The following ERBIN variants were observed in gnomAD, a reference collection of about 807,000 sequenced individuals.
The protein encoded by ERBIN is densin-180-like protein.
Under a neutral mutation model 158.4 loss-of-function variants are expected in ERBIN, and 60 were observed. The observed-to-expected ratio is 0.38, with a 90% CI of 0.31 to 0.47. ERBIN has a LOEUF of 0.47. Among genes scored for constraint, ERBIN ranks in the 20% least tolerant of loss-of-function variants. ERBIN has a pLI of 0.99. For missense variants in ERBIN, 1,610 were observed against 1,648.0 expected, an observed-to-expected ratio of 0.98 and a Z score of 0.40; for synonymous variants, 594 against 557.2, an observed-to-expected ratio of 1.07 and a Z score of -0.93.
chr5:65,955,136 AAAGT>A (rs1470667290), intron 1 of ERBIN, among the ~76,000 whole-genome samples: 4 of 152,162 alleles, frequency 2.6e-5, no homozygotes, highest in Admixed American at 1.3e-4. Context: ...TATGTTAAAA[AAAGT>A]CTTAAAATGG....
intron 4 of ERBIN, among the ~76,000 whole-genome samples, chr5:66,003,764 C>G (rs937917887): frequency 1.3e-4 from 20 of 152,010 alleles, no homozygotes; most frequent in Admixed American, 4.6e-4. Context: ...AGACCAAGGA[C>G]TAGTGATAGT....
At chr5:66,059,001 G>A (rs541015456) in intron 21 of ERBIN, among the ~76,000 whole-genome samples, 5 of 152,222 alleles carry the variant, frequency 3.3e-5, no homozygotes, top group South Asian at 4.1e-4. Context: ...TTTGGCTTAG[G>A]ATTGTCTTGG....
At chr5:65,965,731 C>T (rs1374846513) in intron 1 of ERBIN, among the ~76,000 whole-genome samples, 6 of 152,104 alleles carry the variant, frequency 3.9e-5, no homozygotes, top group Admixed American at 1.3e-4. Context: ...AGATTTCTCT[C>T]GTTCACTCTG....
intron 21 of ERBIN, among the ~76,000 whole-genome samples, chr5:66,058,483 G>T (rs529889395): frequency 8.4e-4 from 127 of 151,580 alleles, no homozygotes; most frequent in Non-Finnish European, 1.4e-3. Context: ...CGTTCTGTAG[G>T]TTGCCTGTTC....
At chr5:65,930,482 G>T (rs1743231448) in intron 1 of ERBIN, among the ~76,000 whole-genome samples, 1 of 152,102 alleles carries the variant, frequency 6.6e-6, no homozygotes, top group African/African-American at 2.4e-5. Context: ...TAATTTTTTT[G>T]TATTTTTAGT....
At chr5:65,936,140 G>T (rs1363511617) in intron 1 of ERBIN, among the ~76,000 whole-genome samples, 1 of 151,974 alleles carries the variant, frequency 6.6e-6, no homozygotes, top group Non-Finnish European at 1.5e-5. Flanking sequence ...CTTTGTGGGA[G>T]CATGGAGGGA....
intron 14 of ERBIN, among the ~76,000 whole-genome samples, chr5:66,030,560 A>G (rs915572706): frequency 7.3e-6 from 1 of 137,142 alleles, no homozygotes; most frequent in African/African-American, 2.8e-5. Context: ...GTACAGTAGC[A>G]CCTTTTTTTT....
At chr5:66,051,258 A>C (rs1296286156) in intron 20 of ERBIN, among the ~76,000 whole-genome samples, 1 of 152,174 alleles carries the variant, frequency 6.6e-6, no homozygotes, top group African/African-American at 2.4e-5. Context: ...GAGGTAATTT[A>C]AGTTGAAAGG....
At chr5:66,033,880 G>A (rs1757130067) in intron 14 of ERBIN, among the ~76,000 whole-genome samples, 1 of 152,068 alleles carries the variant, frequency 6.6e-6, no homozygotes, top group Admixed American at 6.6e-5. Context: ...AGGCCGAGGC[G>A]GGTGGATCAC....
At chr5:66,061,214 T>A (rs997853503) in intron 21 of ERBIN, among the ~76,000 whole-genome samples, 7 of 152,362 alleles carry the variant, frequency 4.6e-5, no homozygotes, top group East Asian at 1.9e-4. Context: ...ACTTGCTTTA[T>A]GAATCTGGGT....
chr5:66,061,862 G>C (rs1425263831), intron 21 of ERBIN, among the ~76,000 whole-genome samples: 1 of 144,588 alleles, frequency 6.9e-6, no homozygotes, highest in Non-Finnish European at 1.5e-5. Flanking sequence ...AAGAATGTTG[G>C]ATATTGGCCC....
At chr5:66,044,441 A>G in intron 17 of ERBIN, 131 bp downstream of exon 17, 1 of 800,150 alleles carries the variant, frequency 1.2e-6, no homozygotes, top group East Asian at 2.8e-5. Flanking sequence ...TTCGGTCGAC[A>G]TGCTCACATA....
At chr5:66,046,093 C>G (rs577324018) in intron 17 of ERBIN, among the ~76,000 whole-genome samples, 1 of 152,130 alleles carries the variant, frequency 6.6e-6, no homozygotes, top group Non-Finnish European at 1.5e-5. Flanking sequence ...TCCACACTTA[C>G]AAGCCTTGGC....
At chr5:66,018,313 A>G (rs990366713) in intron 7 of ERBIN, among the ~76,000 whole-genome samples, 5 of 144,836 alleles carry the variant, frequency 3.5e-5, no homozygotes, top group African/African-American at 1.0e-4. Flanking sequence ...GTATCTTTCC[A>G]TTTTTTTGTG....
chr5:66,064,189 A>C (rs1277255728), intron 21 of ERBIN, among the ~76,000 whole-genome samples: 1 of 152,214 alleles, frequency 6.6e-6, no homozygotes, highest in African/African-American at 2.4e-5. Flanking sequence ...AAAACTTACA[A>C]TTTTGATAAA....
At chr5:66,043,595 G>T (rs1758129848) in intron 16 of ERBIN, among the ~76,000 whole-genome samples, 1 of 151,890 alleles carries the variant, frequency 6.6e-6, no homozygotes, top group Non-Finnish European at 1.5e-5. Context: ...TAGAGATAAA[G>T]AACTCTTTGT....
Position 65,975,130 on chromosome 5 carries a change from C to G in ERBIN, c.-57-13505C>G, listed in dbSNP as rs1325825706. Among the ~76,000 whole-genome samples, 5 of 152,270 alleles carry G rather than the reference C, an allele frequency of 3.3e-5. No homozygotes were observed. The East Asian group carries it at 7.7e-4, about 23-fold the overall frequency. The stretch of plus-strand genomic sequence containing the variant: ...TCAAGCAATTCCCCTGCCTCAGCCT[C>G]TCGAATAGCTGGGATTACAGGCATG... On this transcript the variant is annotated intron_variant, in intron 1 of 25. Coordinates refer to ENST00000284037, the MANE Select transcript of ERBIN (RefSeq NM_001253697.2).
chr5:65,960,783 A>G (rs1226737678), intron 1 of ERBIN, among the ~76,000 whole-genome samples: 3 of 152,216 alleles, frequency 2.0e-5, no homozygotes, highest in Admixed American at 6.5e-5. Context: ...ACAATCTGTT[A>G]AACTAGTGTG....
intron 4 of ERBIN, among the ~76,000 whole-genome samples, chr5:65,996,631 A>C (rs1046805072): frequency 6.6e-6 from 1 of 152,034 alleles, no homozygotes; most frequent in Non-Finnish European, 1.5e-5. Flanking sequence ...TTGTGGCTCC[A>C]TATGAATCAT....
Sources: gnomAD v4.1 joint callset for allele counts (sites outside exome capture counted in the v4.1 genomes callset) on GRCh38, gnomAD v4.1.1 for gene constraint, MANE v1.5 for transcripts, NCBI Gene and HGNC (gene_info 2026-07-23, HGNC 2026-07-21) for gene names.